L2HGDH: variants seen among roughly 807,000 people sequenced by gnomAD.
L2HGDH encodes L-2-hydroxyglutarate dehydrogenase.
A neutral mutation model predicts 51.5 loss-of-function variants in L2HGDH; 34 were observed. That is an observed-to-expected ratio of 0.66 (90% confidence interval 0.50 to 0.88). The LOEUF is 0.88. L2HGDH is among the 40% of genes least tolerant of loss of function. The pLI, the probability that L2HGDH is intolerant of heterozygous loss-of-function variation, is 0.00. For synonymous variants in L2HGDH, 198 were observed against 197.9 expected, an observed-to-expected ratio of 1.00 and a Z score of -0.01; for missense variants, 558 against 571.9, an observed-to-expected ratio of 0.98 and a Z score of 0.25.
chr14:50,263,705 A>T (rs1889174504), intron 9 of L2HGDH, among the ~76,000 whole-genome samples: 1 of 152,140 alleles, frequency 6.6e-6, no homozygotes, highest in Admixed American at 6.5e-5. Context: ...ACATTACCAA[A>T]GAGGGGAAAA....
intron 4 of L2HGDH, among the ~76,000 whole-genome samples, chr14:50,289,056 A>G (rs1890722700): frequency 6.6e-6 from 1 of 152,214 alleles, no homozygotes; most frequent in East Asian, 1.9e-4. Flanking sequence ...AATTCATAGA[A>G]AAATTGAGCA....
intron 6 of L2HGDH, among the ~76,000 whole-genome samples, chr14:50,272,588 G>C (rs1009129737): frequency 1.3e-5 from 2 of 152,158 alleles, no homozygotes; most frequent in Non-Finnish European, 2.9e-5. Flanking sequence ...AAGTGCTTCT[G>C]GCTTTGACTG....
chr14:50,304,706 G>A (rs1030656524), intron 1 of L2HGDH, among the ~76,000 whole-genome samples: 34 of 152,248 alleles, frequency 2.2e-4, no homozygotes, highest in Admixed American at 5.9e-4. Flanking sequence ...GTGGTGGCGG[G>A]CACCTGTAGT....
Position 50,242,934 on chromosome 14 carries a change from T to C in L2HGDH, c.*4124A>G, listed in dbSNP as rs562131823. 18 of 985,466 alleles carry C rather than the reference T, an allele frequency of 1.8e-5. No homozygotes were observed. The South Asian group carries it at 8.0e-4, about 44-fold the overall frequency. 61.0% of individuals were successfully genotyped at this position (985,466 alleles called of 1,614,324 possible). ...CTCCTGTGTTTACAGGGATAGCTCATAGGTACAGCCATCAGGGTTGGATTG... is the reference window on the plus strand; with the variant it reads ...CTCCTGTGTTTACAGGGATAGCTCACAGGTACAGCCATCAGGGTTGGATTG... On this transcript the variant is annotated 3_prime_UTR_variant, in exon 10 of 10. Transcript: ENST00000267436.
At chr14:50,284,082 T>G (rs368540565) in intron 4 of L2HGDH, 49 bp from the exon 5 acceptor site, 2 of 1,555,438 alleles carry the variant, frequency 1.3e-6, no homozygotes, top group Non-Finnish European at 1.8e-6. Flanking sequence ...TAATACTTGC[T>G]AAATAACAAA....
intron 7 of L2HGDH, 128 bp from the exon 8 acceptor site, chr14:50,268,038 G>C (rs1263367820): frequency 1.1e-6 from 1 of 926,534 alleles, no homozygotes; most frequent in Non-Finnish European, 1.7e-6. Flanking sequence ...GCTGTACTCA[G>C]ATATACTTTT....
At chr14:50,270,042 C>A (rs923885137) in intron 6 of L2HGDH, among the ~76,000 whole-genome samples, 1 of 152,150 alleles carries the variant, frequency 6.6e-6, no homozygotes, top group African/African-American at 2.4e-5. Flanking sequence ...ACTCAATAAT[C>A]CTGCCCAGTT....
At chr14:50,261,074 A>G (rs1338135017) in intron 9 of L2HGDH, among the ~76,000 whole-genome samples, 1 of 151,980 alleles carries the variant, frequency 6.6e-6, no homozygotes, top group African/African-American at 2.4e-5. Flanking sequence ...CCGAGATGGC[A>G]CCACTGCACT....
intron 9 of L2HGDH, among the ~76,000 whole-genome samples, chr14:50,259,366 G>GTTT (rs34041934): frequency 9.0e-4 from 118 of 130,672 alleles, no homozygotes; most frequent in East Asian, 2.4e-3. Context: ...TTCTTTTTCG[G>GTTT]TTTTTTTTTT....
chr14:50,275,403 G>A (rs1889923919), intron 6 of L2HGDH, among the ~76,000 whole-genome samples: 1 of 152,148 alleles, frequency 6.6e-6, no homozygotes, highest in Admixed American at 6.5e-5. Flanking sequence ...ACTTCTCACT[G>A]GCATAGGCAC....
intron 5 of L2HGDH, among the ~76,000 whole-genome samples, chr14:50,279,846 A>C (rs1890167371): frequency 1.3e-5 from 2 of 152,106 alleles, no homozygotes; most frequent in Admixed American, 6.5e-5. Context: ...GGATCACCTG[A>C]GGTCAGGAGT....
At chr14:50,278,032 C>T (rs116947089) in intron 6 of L2HGDH, among the ~76,000 whole-genome samples, 152 of 152,144 alleles carry the variant, frequency 1.0e-3, no homozygotes, top group Non-Finnish European at 9.9e-4. Context: ...TATAATAAAT[C>T]CTATAGCACT....
chr14:50,278,746 T>C (rs1271163647), intron 5 of L2HGDH, among the ~76,000 whole-genome samples, 192 bp from the exon 6 acceptor site: 3 of 152,222 alleles, frequency 2.0e-5, no homozygotes, highest in Admixed American at 6.5e-5. Flanking sequence ...AACTCCAGCA[T>C]GTTTTTAGCT....
chr14:50,300,565 G>C (rs2030351187), intron 3 of L2HGDH, among the ~76,000 whole-genome samples: 1 of 152,146 alleles, frequency 6.6e-6, no homozygotes, highest in African/African-American at 2.4e-5. Flanking sequence ...AAAGTGCTGA[G>C]ATTACAGGCA....
intron 5 of L2HGDH, among the ~76,000 whole-genome samples, 171 bp downstream of exon 5, chr14:50,283,700 A>AT (rs1202119177): frequency 1.3e-5 from 2 of 151,956 alleles, no homozygotes; most frequent in African/African-American, 2.4e-5. Flanking sequence ...TGTAAATGCT[A>AT]TTTTTTTGTT....
At chr14:50,270,492 T>TTTG (rs145385696) in intron 6 of L2HGDH, among the ~76,000 whole-genome samples, 2,531 of 150,728 alleles carry the variant, frequency 0.017, 23 homozygotes, top group African/African-American at 0.03. Context: ...GCCTTACTGT[T>TTTG]TTGTTGTTGT....
chr14:50,275,919 T>C (rs1889954941), intron 6 of L2HGDH, among the ~76,000 whole-genome samples: 1 of 152,178 alleles, frequency 6.6e-6, no homozygotes, highest in South Asian at 2.1e-4. Context: ...GAGAAGTACT[T>C]CCATTAGAGA....
At chr14:50,262,159 C>G (rs1016802599) in intron 9 of L2HGDH, among the ~76,000 whole-genome samples, 1 of 152,106 alleles carries the variant, frequency 6.6e-6, no homozygotes, top group South Asian at 2.1e-4. Context: ...CTTGGCCAGG[C>G]GCATTGGCTC....
chr14:50,249,230 G>T (rs767965007), intron 9 of L2HGDH, among the ~76,000 whole-genome samples: 4 of 152,168 alleles, frequency 2.6e-5, no homozygotes, highest in Non-Finnish European at 5.9e-5. Context: ...TTGAAATACA[G>T]TCTAGGGCAC....
Sources: gnomAD v4.1 joint callset for allele counts (sites outside exome capture counted in the v4.1 genomes callset) on GRCh38, gnomAD v4.1.1 for gene constraint, MANE v1.5 for transcripts, NCBI Gene and HGNC (gene_info 2026-07-23, HGNC 2026-07-21) for gene names.